HIVEP2: variants seen among roughly 807,000 people sequenced by gnomAD.
HIVEP2 encodes the protein transcription factor HIVEP2.
Under a neutral mutation model 180.7 loss-of-function variants are expected in HIVEP2, and 14 were observed. That is an observed-to-expected ratio of 0.08 (90% CI 0.05 to 0.12). HIVEP2 has a LOEUF of 0.12. Among genes scored for constraint, HIVEP2 ranks in the 10% least tolerant of loss-of-function variants. The probability of loss-of-function intolerance (pLI) is 1.00; values close to 1 mark genes in which losing one functional copy is unlikely to be tolerated. For missense variants in HIVEP2, 2,579 were observed against 3,008.5 expected, an observed-to-expected ratio of 0.86 and a Z score of 3.34; for synonymous variants, 1,184 against 1,136.4, an observed-to-expected ratio of 1.04 and a Z score of -0.84.
At chr6:142,780,490 A>G (rs965666200) in intron 3 of HIVEP2, among the ~76,000 whole-genome samples, 1 of 152,202 alleles carries the variant, frequency 6.6e-6, no homozygotes, top group African/African-American at 2.4e-5. Context: ...GCTATCCATA[A>G]AATCACGTCT....
chr6:142,905,784 T>C (rs1009932514), intron 1 of HIVEP2, among the ~76,000 whole-genome samples: 2 of 152,174 alleles, frequency 1.3e-5, no homozygotes, highest in Admixed American at 6.5e-5. Flanking sequence ...TTTTAGAATA[T>C]ACAAGTCCGT....
intron 2 of HIVEP2, among the ~76,000 whole-genome samples, chr6:142,793,665 T>C (rs1338178857): frequency 0.043 from 4,291 of 99,438 alleles, 92 homozygotes; most frequent in Non-Finnish European, 0.059. Context: ...TCTTTTTTCT[T>C]TCTTTCTTTC....
rs138826103 is a variant in HIVEP2 at position 142,814,799 on chromosome 6, T to C, written c.-528+22136A>G. The stretch of plus-strand genomic sequence containing the variant: ...GGAAACTAGAGCTTCTACTACAGAA[T>C]AGTAGTCAAAGAAATCAAAGTAGAT... On this transcript the variant is annotated intron_variant, in intron 2 of 9. Coordinates refer to ENST00000367603, the MANE Select transcript of HIVEP2 (RefSeq NM_006734.4). Among the ~76,000 whole-genome samples the C allele has an allele frequency of 4.5e-3, 681 of 152,266 alleles. 2 individuals are homozygous for C. Among genetic ancestry groups the C allele is most frequent in the Non-Finnish European group, 7.5e-3 (512 of 68,016 alleles).
intron 1 of HIVEP2, among the ~76,000 whole-genome samples, chr6:142,899,918 C>G (rs745696777): frequency 6.6e-6 from 1 of 152,152 alleles, no homozygotes; most frequent in African/African-American, 2.4e-5. Context: ...CACTGATACT[C>G]AACCTCAAGT....
intron 2 of HIVEP2, among the ~76,000 whole-genome samples, chr6:142,800,296 T>C (rs1776372885): frequency 6.6e-6 from 1 of 152,194 alleles, no homozygotes; most frequent in African/African-American, 2.4e-5. Context: ...TTAGTCATTA[T>C]TAACACTTAC....
intron 1 of HIVEP2, among the ~76,000 whole-genome samples, chr6:142,850,019 C>G (rs982557246): frequency 6.6e-6 from 1 of 152,110 alleles, no homozygotes; most frequent in Non-Finnish European, 1.5e-5. Flanking sequence ...TCAAATAAGT[C>G]AAAGACCCAA....
intron 7 of HIVEP2, 39 bp from the exon 8 acceptor site, chr6:142,761,604 T>G (rs764077025): frequency 9.1e-7 from 1 of 1,103,438 alleles, no homozygotes; most frequent in Non-Finnish European, 1.4e-6. Context: ...AATTAATTGG[T>G]TATCAAATTA....
chr6:142,804,570 C>T (rs185063641), intron 2 of HIVEP2, among the ~76,000 whole-genome samples: 1 of 152,166 alleles, frequency 6.6e-6, no homozygotes, highest in East Asian at 1.9e-4. Flanking sequence ...TTTGGAGGTC[C>T]TGAGTTATGA....
intron 1 of HIVEP2, among the ~76,000 whole-genome samples, chr6:142,914,773 C>A (rs1314256290): frequency 6.6e-6 from 1 of 152,186 alleles, no homozygotes; most frequent in Admixed American, 6.5e-5. Context: ...GGGAAACCAG[C>A]AAGAACATGG....
chr6:142,784,820 T>C (rs1283710680), intron 2 of HIVEP2, among the ~76,000 whole-genome samples: 3 of 152,220 alleles, frequency 2.0e-5, no homozygotes, highest in South Asian at 2.1e-4. Flanking sequence ...TTCATTAACA[T>C]AGAAGGAATA....
Position 142,935,299 on chromosome 6 carries a change from G to A in HIVEP2, c.-641+9800C>T, listed in dbSNP as rs149792827. Among the ~76,000 whole-genome samples, 948 of 152,284 alleles carry A rather than the reference G, an allele frequency of 6.2e-3. 34 individuals carry two copies. The East Asian group carries it at 0.091, about 15-fold the overall frequency. ...GCAGTGGCTCATGCCTGTAATCCCC[G>A]CACTTTGGGAGGCTAAGGCGGGGTG... On this transcript the variant is annotated intron_variant, in intron 1 of 9. Coordinates refer to ENST00000367603, the MANE Select transcript of HIVEP2 (RefSeq NM_006734.4).
At chr6:142,818,708 AAAG>A (rs1776919670) in intron 2 of HIVEP2, among the ~76,000 whole-genome samples, 1 of 104,880 alleles carries the variant, frequency 9.5e-6, no homozygotes, top group African/African-American at 3.7e-5. Flanking sequence ...AGAAAGAAAG[AAAG>A]AAAGAAAGAA....
At chr6:142,862,095 T>C (rs1413870218) in intron 1 of HIVEP2, among the ~76,000 whole-genome samples, 2 of 152,186 alleles carry the variant, frequency 1.3e-5, no homozygotes, top group African/African-American at 2.4e-5. Flanking sequence ...AAGACTCTAT[T>C]ATCAATCTTT....
At chr6:142,777,154 A>T (rs1289580276) in intron 3 of HIVEP2, among the ~76,000 whole-genome samples, 1 of 152,238 alleles carries the variant, frequency 6.6e-6, no homozygotes, top group Admixed American at 6.5e-5. Flanking sequence ...ATTGACCTAG[A>T]AATTCCACTG....
chr6:142,814,556 G>A (rs1273325339), intron 2 of HIVEP2, among the ~76,000 whole-genome samples: 1 of 152,096 alleles, frequency 6.6e-6, no homozygotes, highest in Non-Finnish European at 1.5e-5. Context: ...CAGAATTTGG[G>A]AATCGGTTAT....
At chr6:142,801,352 T>C (rs2114760310) in intron 2 of HIVEP2, among the ~76,000 whole-genome samples, 1 of 146,414 alleles carries the variant, frequency 6.8e-6, no homozygotes, top group African/African-American at 2.6e-5. Context: ...GAGGTTGCAG[T>C]GAGCTGAGAT....
chr6:142,799,467 GA>G (rs1776355775), intron 2 of HIVEP2, among the ~76,000 whole-genome samples: 1 of 152,118 alleles, frequency 6.6e-6, no homozygotes, highest in African/African-American at 2.4e-5. Flanking sequence ...AAACCACTAA[GA>G]AAAGAGGAGA....
chr6:142,868,439 A>G (rs917331894), intron 1 of HIVEP2, among the ~76,000 whole-genome samples: 2 of 152,188 alleles, frequency 1.3e-5, no homozygotes, highest in African/African-American at 4.8e-5. Flanking sequence ...CCCTATAATA[A>G]TTAATAACCA....
chr6:142,901,785 G>A (rs1777138687), intron 1 of HIVEP2, among the ~76,000 whole-genome samples: 1 of 152,146 alleles, frequency 6.6e-6, no homozygotes, highest in South Asian at 2.1e-4. Flanking sequence ...CACAGTGCAT[G>A]CATTACAACT....
Sources: gnomAD v4.1 joint callset for allele counts (sites outside exome capture counted in the v4.1 genomes callset) on GRCh38, gnomAD v4.1.1 for gene constraint, MANE v1.5 for transcripts, NCBI Gene and HGNC (gene_info 2026-07-23, HGNC 2026-07-21) for gene names.